Variants in FMN2 observed in about 807,000 individuals in gnomAD.
FMN2 encodes formin-2.
Under a neutral mutation model 142.3 loss-of-function variants are expected in FMN2, and 51 were observed. The ratio of observed to expected loss-of-function variants is 0.36; its 90% CI spans 0.29 to 0.45. The LOEUF is 0.45. Among genes scored for constraint, FMN2 ranks in the 20% least tolerant of loss-of-function variants. The pLI, the probability that FMN2 is intolerant of heterozygous loss-of-function variation, is 1.00. For missense variants in FMN2, 1,936 were observed against 2,122.8 expected (o/e 0.91, Z 1.73); for synonymous variants, 882 against 869.8 (o/e 1.01, Z -0.25).
intron 2 of FMN2, chr1:240,145,010 G>A: frequency 7.5e-7 from 1 of 1,329,268 alleles, no homozygotes; most frequent in Non-Finnish European, 1.1e-6. Context: ...GATGTCAGCA[G>A]CAAAATGCTC....
chr1:240,109,580 G>T (rs1661731807), intron 1 of FMN2, among the ~76,000 whole-genome samples: 1 of 152,194 alleles, frequency 6.6e-6, no homozygotes, highest in East Asian at 1.9e-4. Context: ...GATCCTCTCA[G>T]TCTTCAAGAA....
intron 11 of FMN2, 33 bp downstream of exon 11, chr1:240,330,782 T>A (rs1671349276): frequency 6.2e-7 from 1 of 1,601,134 alleles, no homozygotes; most frequent in African/African-American, 1.3e-5. Context: ...CGTAAGCACA[T>A]TGAGGAGTCA....
At chr1:240,270,987 G>T (rs183702791) in intron 7 of FMN2, among the ~76,000 whole-genome samples, 10 of 151,274 alleles carry the variant, frequency 6.6e-5, no homozygotes. Flanking sequence ...AAACAAGAGG[G>T]TTTAAAATAT....
At position 240,376,660 on chromosome 1, in the gene FMN2, T is replaced by C. The variant is rs1014166941; in HGVS notation, c.4859-15851T>C. ...ATTATTACAGAGATAATTTAAAGTA[T>C]ATATGAGGATGTGTGTAGGTTATAT... On this transcript the variant is annotated intron_variant, in intron 14 of 17. Coordinates refer to ENST00000319653, the MANE Select transcript of FMN2 (RefSeq NM_020066.5). Among the ~76,000 whole-genome samples, 4 of 152,150 alleles carry C rather than the reference T, an allele frequency of 2.6e-5. No individual in the cohort carries two copies. In the South Asian group the frequency reaches 6.2e-4, roughly 24 times the overall value.
chr1:240,294,807 CT>C lies in FMN2; in HGVS notation c.4154-7del, dbSNP rs538612909. The C allele has an allele frequency of 3.7e-4, 601 of 1,612,454 alleles. 3 individuals carry two copies. The African/African-American group carries it at 5.9e-3, about 16-fold the overall frequency. ...GTGGCTTATGGCAATTTATATTCTTCTTTTTTTTCCACAGCTGTTGTGAACT... is the reference window on the plus strand; with the variant it reads ...GTGGCTTATGGCAATTTATATTCTTCTTTTTTTCCACAGCTGTTGTGAACT... On this transcript the variant is annotated splice_polypyrimidine_tract_variant and intron_variant, in intron 7 of 17. Coordinates refer to ENST00000319653, the MANE Select transcript of FMN2 (RefSeq NM_020066.5).
chr1:240,418,878 A>G (rs140175040), intron 15 of FMN2, among the ~76,000 whole-genome samples: 26,166 of 152,174 alleles, frequency 0.17, 2,835 homozygotes, highest in Non-Finnish European at 0.24. Flanking sequence ...AGGCCGAGGC[A>G]GGTGGATCAC....
intron 2 of FMN2, chr1:240,170,797 G>A: frequency 1.0e-6 from 1 of 999,588 alleles, no homozygotes; most frequent in Non-Finnish European, 1.6e-6. Flanking sequence ...AGTTATCGTG[G>A]GCGGTAAAGT....
chr1:240,116,907 A>T (rs1662046613), intron 1 of FMN2, among the ~76,000 whole-genome samples: 1 of 152,132 alleles, frequency 6.6e-6, no homozygotes, highest in African/African-American at 2.4e-5. Flanking sequence ...TTTGATGTGA[A>T]GGGAAGCCAA....
chr1:240,418,830 T>G (rs1043535666), intron 15 of FMN2, among the ~76,000 whole-genome samples: 7 of 152,118 alleles, frequency 4.6e-5, no homozygotes, highest in African/African-American at 1.7e-4. Context: ...CTTATAGCTG[T>G]GCATGGTGGC....
At chr1:240,225,450 C>T (rs774693530) in intron 6 of FMN2, among the ~76,000 whole-genome samples, 6 of 152,092 alleles carry the variant, frequency 3.9e-5, no homozygotes, top group East Asian at 3.9e-4. Flanking sequence ...AGATTAAAAA[C>T]GTGAAGGAAA....
At chr1:240,095,925 A>C (rs376203350) in intron 1 of FMN2, among the ~76,000 whole-genome samples, 2 of 152,126 alleles carry the variant, frequency 1.3e-5, no homozygotes, top group Middle Eastern at 3.2e-3. Flanking sequence ...TTTTATAAGG[A>C]CATCACCTAT....
chr1:240,406,196 A>G (rs1246695007), intron 15 of FMN2, among the ~76,000 whole-genome samples: 2 of 70,768 alleles, frequency 2.8e-5, no homozygotes, highest in Non-Finnish European at 5.4e-5. Context: ...CAGCCTCGGG[A>G]GTCGGGGGAG....
chr1:240,466,045 T>C (rs1015703936), intron 16 of FMN2, among the ~76,000 whole-genome samples: 6 of 152,202 alleles, frequency 3.9e-5, no homozygotes, highest in African/African-American at 1.4e-4. Context: ...CTGCTGTCGT[T>C]GTTTAAAATA....
intron 14 of FMN2, among the ~76,000 whole-genome samples, chr1:240,382,113 T>C (rs1293001770): frequency 6.6e-6 from 1 of 152,148 alleles, no homozygotes; most frequent in African/African-American, 2.4e-5. Flanking sequence ...ACCTAATAAA[T>C]GACTTCAGCA....
intron 15 of FMN2, among the ~76,000 whole-genome samples, chr1:240,413,528 A>G (rs933745994): frequency 3.3e-5 from 5 of 152,196 alleles, no homozygotes; most frequent in Non-Finnish European, 5.9e-5. Flanking sequence ...AGGAAAGGCT[A>G]ATAGAGATCC....
rs781434062 is a variant in FMN2 at position 240,206,849 on chromosome 1, G to A, written c.2037G>A (p.Leu679=). 4 of 1,614,074 alleles carry A rather than the reference G, an allele frequency of 2.5e-6. No individual in the cohort carries two copies. The highest frequency in any genetic ancestry group is 3.4e-6 in the Non-Finnish European group (4 of 1,179,970). The change falls in exon 5 of 18, where the codon CTG becomes CTA. Residue 679 remains leucine, a synonymous_variant. Transcript: ENST00000319653. ...SEGQATVIQQ[L]EQTIEDLRTK... is the part of the protein sequence containing the mutation. ...GACAGGCCACTGTAATTCAGCAGCT[G>A]GAACAGACTATTGAGGATCTGAGAA...
chr1:240,171,138 G>C, intron 2 of FMN2: 3 of 1,255,796 alleles, frequency 2.4e-6, no homozygotes, highest in Non-Finnish European at 3.5e-6. Context: ...GAGGGTGAAA[G>C]AGTGTAGAAA....
chr1:240,187,042 G>A (rs12731873), intron 3 of FMN2, among the ~76,000 whole-genome samples: 40,052 of 150,340 alleles, frequency 0.27, 5,834 homozygotes, highest in South Asian at 0.34. Flanking sequence ...CAAGGCGGGC[G>A]GATCACGAGG....
chr1:240,343,733 G>A (rs1449752354), intron 13 of FMN2, among the ~76,000 whole-genome samples: 1 of 152,140 alleles, frequency 6.6e-6, no homozygotes, highest in East Asian at 1.9e-4. Flanking sequence ...AATGCATCTT[G>A]GAATTTGCAG....
Sources: allele counts gnomAD v4.1 joint callset (sites outside exome capture counted in the v4.1 genomes callset), GRCh38; gene constraint gnomAD v4.1.1; transcripts MANE v1.5; gene names NCBI Gene and HGNC (gene_info 2026-07-23, HGNC 2026-07-21).